PAGR1: variants seen among roughly 807,000 people sequenced by gnomAD.
PAGR1 encodes PAXIP1 associated glutamate rich protein 1, also known as PAXIP1-associated glutamate-rich protein 1.
In PAGR1, 20 loss-of-function variants were observed where a neutral mutation model predicts 22.4. That is an observed-to-expected ratio of 0.89 (90% CI 0.63 to 1.30). The LOEUF (loss-of-function observed/expected upper bound fraction) is 1.30. Ranked by LOEUF, PAGR1 falls within the 50% of genes most tolerant of loss-of-function variation. PAGR1 has a pLI of 0.00. For synonymous variants in PAGR1, 161 were observed against 148.3 expected (o/e 1.09, Z -0.62); for missense variants, 338 against 343.6 (o/e 0.98, Z 0.13).
Position 29,821,852 on chromosome 16 carries a change from T to TC in PAGR1, c.*2100dup, listed in dbSNP as rs2067364060. 6.6e-6 allele frequency among the ~76,000 whole-genome samples: 1 copy of TC among 152,132 alleles called. No individual in the cohort carries two copies. The highest frequency in any genetic ancestry group is 2.4e-5 in the African/African-American group (1 of 41,412). On this transcript the variant is annotated 3_prime_UTR_variant, in exon 3 of 3. Coordinates refer to ENST00000320330, the MANE Select transcript of PAGR1 (RefSeq NM_024516.4). ...AGGGGCGTTTGCCTAGAACACAGGG[T>TC]CCAGAGGCTCTCTCCCGGAAACTTA...
In PAGR1 at chr16:29,819,828, C is replaced by T; in HGVS notation, c.*74C>T. The T allele has an allele frequency of 6.8e-7, 1 of 1,462,668 alleles. No individual in the cohort carries two copies. Among genetic ancestry groups the T allele is most frequent in the South Asian group, 1.3e-5 (1 of 76,548 alleles). The allele number at this position is 1,462,668 out of a possible 1,614,324, so 90.6% of individuals were successfully genotyped here. ...CTGGGCCCTCCTTCCCCAGCCCAGA[C>T]ATTGAGAAACTTGGGAAGAAGAGAG... On this transcript the variant is annotated 3_prime_UTR_variant, in exon 3 of 3. Coordinates refer to ENST00000320330, the MANE Select transcript of PAGR1 (RefSeq NM_024516.4).
intron 2 of PAGR1, among the ~76,000 whole-genome samples, chr16:29,817,744 T>C (rs1900280511): frequency 6.6e-6 from 1 of 152,130 alleles, no homozygotes; most frequent in Non-Finnish European, 1.5e-5. Context: ...AGTGCTAGGA[T>C]TGCAGGCATG....
Position 29,816,772 on chromosome 16 carries a change from G to T in PAGR1, c.247G>T (p.Asp83Tyr). 2 of 1,582,980 alleles carry T rather than the reference G, an allele frequency of 1.3e-6. No homozygotes were observed. The highest frequency in any genetic ancestry group is 2.3e-5 in the East Asian group (1 of 43,326). ...SAGGEEPAEE[D>Y]SEDWCVPCSD... Reference sequence around the variant, plus strand: ...TGGGGGAGAAGAGCCTGCCGAGGAGGACTCCGAGGACTGGTGCGTGCCCTG... The same window carrying T: ...TGGGGGAGAAGAGCCTGCCGAGGAGTACTCCGAGGACTGGTGCGTGCCCTG... The change falls in exon 1 of 3, where the codon GAC (aspartate) becomes TAC (tyrosine). Residue 83 changes from aspartate (D) to tyrosine (Y), a missense_variant. Coordinates refer to ENST00000320330, the MANE Select transcript of PAGR1 (RefSeq NM_024516.4).
chr16:29,817,965 CACAATT>C (rs1183035773), intron 2 of PAGR1: 1 of 152,120 alleles, frequency 6.6e-6, no homozygotes, highest in Non-Finnish European at 1.5e-5. Flanking sequence ...TCTCAAAAAA[CACAATT>C]ACAGATAATT....
chr16:29,818,866 C>G (rs913813917), intron 2 of PAGR1, among the ~76,000 whole-genome samples: 2 of 152,230 alleles, frequency 1.3e-5, no homozygotes, highest in African/African-American at 2.4e-5. Flanking sequence ...CTGCACTCAG[C>G]CATAAATCGT....
In PAGR1 at chr16:29,816,804, C is replaced by A. The variant is rs1302966066; in HGVS notation, c.279C>A (p.Asp93Glu). The A allele has an allele frequency of 2.5e-6, 4 of 1,569,536 alleles. No individual in the cohort carries two copies. ...DSEDWCVPCS[D>E]EEVELPADGQ... is the part of the protein sequence containing the mutation. ...AGGACTGGTGCGTGCCCTGCAGCGA[C>A]GAGGAGGTGGAGCTGCCTGCGGATG... Residue 93 changes from aspartate (D) to glutamate (E), a missense_variant, in exon 1 of 3, where the codon GAC (aspartate) becomes GAA (glutamate). Physicochemically the swap from Asp to Glu is conservative, Grantham distance 45. Coordinates refer to ENST00000320330, the MANE Select transcript of PAGR1 (RefSeq NM_024516.4).
chr16:29,819,586 C>T lies in PAGR1; in HGVS notation c.597C>T (p.Ala199=), dbSNP rs201494891. 4.0e-5 allele frequency: 65 copies of T among 1,614,128 alleles called. No homozygotes were observed. The Admixed American group carries it at 8.2e-4, about 20-fold the overall frequency. Residue 199 remains alanine, a synonymous_variant, in exon 3 of 3, where the codon GCC becomes GCT. Transcript: ENST00000320330. The stretch of plus-strand genomic sequence containing the variant: ...CAGCCCGGAGCCAGAAACGGGAGGC[C>T]CGCCTGGACAAGGTGCTGTCGGACA... ...GSSARSQKRE[A]RLDKVLSDMK...
chr16:29,817,468 CTTTTTTT>C (rs753890811), intron 2 of PAGR1, among the ~76,000 whole-genome samples, 176 bp downstream of exon 2: 9 of 122,572 alleles, frequency 7.3e-5, no homozygotes, highest in Admixed American at 1.6e-4. Flanking sequence ...CCTTGTCTTC[CTTTTTTT>C]TTTTTTTTTT....
In PAGR1 at chr16:29,819,808, C is replaced by A. The variant is rs1461544110; in HGVS notation, c.*54C>A. On this transcript the variant is annotated 3_prime_UTR_variant, in exon 3 of 3. Transcript: ENST00000320330. ...GTGTCCGTACCTGCTGGAGCCTGGG[C>A]CCTCCTTCCCCAGCCCAGACATTGA... 2.6e-6 allele frequency: 4 copies of A among 1,531,846 alleles called. No homozygotes were observed. Among genetic ancestry groups the A allele is most frequent in the Non-Finnish European group, 1.8e-6 (2 of 1,130,954 alleles). The allele number at this position is 1,531,846 out of a possible 1,614,324, so 94.9% of individuals were successfully genotyped here. A position where few individuals can be genotyped will look rare whatever the true frequency, so the allele number is the denominator to read the frequency against.
intron 2 of PAGR1, 104 bp downstream of exon 2, chr16:29,817,396 A>G: frequency 9.9e-7 from 1 of 1,005,662 alleles, no homozygotes. Context: ...GCTCCCACAC[A>G]ACTTACAGCT....
chr16:29,817,015 C>A lies in PAGR1; in HGVS notation c.482+8C>A. On this transcript the variant is annotated splice_region_variant and intron_variant, in intron 1 of 2. Transcript: ENST00000320330. ...AGAAGAGGAAGAGGAAAAGTAAAGG[C>A]ACACCCTTACACCTTGTCCCGGGGC... The A allele has an allele frequency of 6.4e-7, 1 of 1,559,478 alleles. No homozygotes were observed. Among genetic ancestry groups the A allele is most frequent in the Non-Finnish European group, 8.7e-7 (1 of 1,154,070 alleles).
intron 2 of PAGR1, chr16:29,818,280 A>G (rs1460726388): frequency 6.6e-6 from 1 of 152,146 alleles, no homozygotes; most frequent in East Asian, 1.9e-4. Context: ...CAAGTGATCC[A>G]TCCGCCTCGG....
At position 29,816,632 on chromosome 16, in the gene PAGR1, C is replaced by T. The variant is rs2150745875; in HGVS notation, c.107C>T (p.Thr36Ile). The change falls in exon 1 of 3, where the codon ACC (threonine) becomes ATC (isoleucine). Residue 36 changes from threonine to isoleucine, a missense_variant. By Grantham distance (89) the Thr-to-Ile change is moderately conservative. Coordinates refer to ENST00000320330, the MANE Select transcript of PAGR1 (RefSeq NM_024516.4). ...CTCCAGGCTCTGGCCGTGGAGGATA[C>T]CGGAGGCCCCTCTGCCTCGGCCGGT... ...SGLQALAVED[T>I]GGPSASAGKA... 2 of 1,537,550 alleles carry T rather than the reference C, an allele frequency of 1.3e-6. No homozygotes were observed. Among genetic ancestry groups the T allele is most frequent in the Non-Finnish European group, 8.7e-7 (1 of 1,145,648 alleles).
rs749456660 is a variant in PAGR1 at position 29,821,995 on chromosome 16, A to G, written c.*2241A>G. ...AATCCCAGTACTTTGGGAGGCCCGA[A>G]TGGGAGGATGGCTTGAGGCCAGGAG... On this transcript the variant is annotated 3_prime_UTR_variant, in exon 3 of 3. Coordinates refer to ENST00000320330, the MANE Select transcript of PAGR1 (RefSeq NM_024516.4). Among the ~76,000 whole-genome samples the G allele has an allele frequency of 5.3e-5, 8 of 151,950 alleles. No homozygotes were observed. The highest frequency in any genetic ancestry group is 8.8e-5 in the Non-Finnish European group (6 of 67,976).
In PAGR1 at chr16:29,821,564, G is replaced by T. The variant is rs2067361555; in HGVS notation, c.*1810G>T. Reference sequence around the variant, plus strand: ...TTGAACTGCCATTAGCACCATCTGGGCAGTACACAGCCCCACCCAGGTCCT... The same window carrying T: ...TTGAACTGCCATTAGCACCATCTGGTCAGTACACAGCCCCACCCAGGTCCT... On this transcript the variant is annotated 3_prime_UTR_variant, in exon 3 of 3. Transcript: ENST00000320330. Among the ~76,000 whole-genome samples, 3 of 152,174 alleles carry T rather than the reference G, an allele frequency of 2.0e-5. No individual in the cohort carries two copies.
rs1194194358 is a variant in PAGR1, at chr16:29,820,624, G to GGA, written c.*871_*872dup. The GGA allele has an allele frequency of 6.6e-6, 1 of 152,310 alleles. No homozygotes were observed. Among genetic ancestry groups the GGA allele is most frequent in the African/African-American group, 2.4e-5 (1 of 41,446 alleles). 9.4% of individuals were successfully genotyped at this position (152,310 alleles called of 1,614,324 possible). A position where few individuals can be genotyped will look rare whatever the true frequency, so the allele number is the denominator to read the frequency against. ...AAGGGCCTTGCTTCTGCTGGGGCAG[G>GGA]GAAAACATGTCTGAATCAGAGTGGG... is the stretch of plus-strand genomic sequence containing the variant. On this transcript the variant is annotated 3_prime_UTR_variant, in exon 3 of 3. Transcript: ENST00000320330.
Position 29,817,243 on chromosome 16 carries a change from T to C in PAGR1, c.516T>C (p.Asp172=). 6.2e-7 allele frequency: 1 copy of C among 1,614,022 alleles called. No individual in the cohort carries two copies. Among genetic ancestry groups the C allele is most frequent in the Non-Finnish European group, 8.5e-7 (1 of 1,180,014 alleles). ...PHMPTEFDFD[D]EPVTPKDSLI... The stretch of plus-strand genomic sequence containing the variant: ...TGCCCACGGAATTTGATTTTGATGA[T>C]GAGCCAGTGACACCAAAGGACTCCC... Residue 172 remains aspartate, a synonymous_variant, in exon 2 of 3, where the codon GAT becomes GAC. Transcript: ENST00000320330.
chr16:29,816,587 A>G lies in PAGR1; in HGVS notation c.62A>G (p.Glu21Gly). The change falls in exon 1 of 3, where the codon GAA (glutamate) becomes GGA (glycine). Residue 21 changes from glutamate (E) to glycine (G), a missense_variant. Physicochemically the swap from Glu to Gly is moderately conservative, Grantham distance 98. Around this residue, in one of 3 missense-constraint regions of PAGR1, gnomAD observed 235 missense variants for 216.0 expected, o/e 1.09. Transcript: ENST00000320330. ...AGTACGGCGGCGCCTCTGTCTGAAG[A>G]AGGGGAAGTGACCTCCGGCCTCCAG... ...AASTAAPLSE[E>G]GEVTSGLQAL... 6.6e-7 allele frequency: 1 copy of G among 1,515,168 alleles called. No homozygotes were observed. The highest frequency in any genetic ancestry group is 8.8e-7 in the Non-Finnish European group (1 of 1,134,974). 93.9% of individuals were successfully genotyped at this position (1,515,168 alleles called of 1,614,324 possible). A position where few individuals can be genotyped will look rare whatever the true frequency, so the allele number is the denominator to read the frequency against.
At position 29,819,943 on chromosome 16, in the gene PAGR1, AGTGT is replaced by A. The variant is rs907225413; in HGVS notation, c.*200_*203del. 1.8e-5 allele frequency: 11 copies of A among 625,650 alleles called. No homozygotes were observed. The highest frequency in any genetic ancestry group is 5.6e-5 in the East Asian group (2 of 35,964). 38.8% of individuals were successfully genotyped at this position (625,650 alleles called of 1,614,324 possible). A position where few individuals can be genotyped will look rare whatever the true frequency, so the allele number is the denominator to read the frequency against. On this transcript the variant is annotated 3_prime_UTR_variant, in exon 3 of 3. Transcript: ENST00000320330. ...TGTTTTTTCTATTGAACACCTGTAG[AGTGT>A]GTGTGTGTGTTTTCTATTGAACACC...
Sources: allele counts gnomAD v4.1 joint callset (sites outside exome capture counted in the v4.1 genomes callset), GRCh38; gene constraint gnomAD v4.1.1; regional missense constraint gnomAD v4.1.1; transcripts MANE v1.5; gene names NCBI Gene and HGNC (gene_info 2026-07-23, HGNC 2026-07-21).